SCFD1: variants seen among roughly 807,000 people sequenced by gnomAD.
The protein encoded by SCFD1 is sec1 family domain-containing protein 1.
SCFD1 carries 37 observed loss-of-function variants against 103.2 expected under a neutral mutation model. The observed-to-expected ratio is 0.36, with a 90% confidence interval of 0.28 to 0.47. The LOEUF (loss-of-function observed/expected upper bound fraction) is 0.47. Among genes scored for constraint, SCFD1 ranks in the 20% least tolerant of loss-of-function variants. The pLI is 1.00. For synonymous variants in SCFD1, 264 were observed against 245.0 expected (o/e 1.08, Z -0.73); for missense variants, 639 against 761.2 (o/e 0.84, Z 1.89).
At chr14:30,730,332 T>C (rs926669257) in intron 23 of SCFD1, among the ~76,000 whole-genome samples, 1 of 152,236 alleles carries the variant, frequency 6.6e-6, no homozygotes, top group African/African-American at 2.4e-5. Flanking sequence ...TGTGCATGTG[T>C]CTTTATAGCA....
chr14:30,702,484 G>A (rs1891149622), intron 17 of SCFD1, 109 bp downstream of exon 17: 4 of 600,112 alleles, frequency 6.7e-6, no homozygotes, highest in Middle Eastern at 3.1e-4. Flanking sequence ...TGCCTTGGTG[G>A]TTTTATATAT....
intron 11 of SCFD1, among the ~76,000 whole-genome samples, chr14:30,670,894 A>G (rs1230748013): frequency 1.3e-5 from 2 of 152,108 alleles, no homozygotes; most frequent in African/African-American, 2.4e-5. Flanking sequence ...CTGTGGGCAG[A>G]TATACATATC....
intron 14 of SCFD1, among the ~76,000 whole-genome samples, chr14:30,681,088 A>G (rs1889430954): frequency 6.6e-6 from 1 of 152,022 alleles, no homozygotes. Flanking sequence ...TTAGCTGAAC[A>G]TGGTGGCGCA....
intron 1 of SCFD1, among the ~76,000 whole-genome samples, chr14:30,626,106 T>C (rs1186943838): frequency 6.6e-6 from 1 of 152,048 alleles, no homozygotes; most frequent in Non-Finnish European, 1.5e-5. Context: ...ACCCCCTCCG[T>C]GCTTCCTGTG....
intron 1 of SCFD1, among the ~76,000 whole-genome samples, chr14:30,626,342 C>T (rs1883447148): frequency 6.6e-6 from 1 of 151,904 alleles, no homozygotes; most frequent in Non-Finnish European, 1.5e-5. Context: ...ATAACTTAAG[C>T]GTGCCCTGAG....
chr14:30,660,491 A>T (rs900960553), intron 10 of SCFD1, among the ~76,000 whole-genome samples: 1 of 152,200 alleles, frequency 6.6e-6, no homozygotes, highest in African/African-American at 2.4e-5. Flanking sequence ...AGGGTTCTCC[A>T]TAAATCTTTT....
chr14:30,670,345 G>A lies in SCFD1; in HGVS notation c.945G>A (p.Lys315=), dbSNP rs780466192. The change falls in exon 11 of 25, where the codon AAG becomes AAA. Residue 315 remains lysine, a synonymous_variant. Transcript: ENST00000458591. ...CTAGACCAAAGAGAAAAAACAAGAA[G>A]TCTTATGATTTAACTCCGGTTGATA... The part of the protein sequence containing the change: ...AGARPKRKNK[K]SYDLTPVDKF... The A allele has an allele frequency of 1.6e-5, 25 of 1,591,730 alleles. No homozygotes were observed. Among genetic ancestry groups the A allele is most frequent in the Middle Eastern group, 1.7e-4 (1 of 5,772 alleles).
rs2273521 is a variant in SCFD1, at chr14:30,639,771, T to G, written c.436-6T>G. 1.3e-6 allele frequency: 2 copies of G among 1,567,298 alleles called. No homozygotes were observed. The highest frequency in any genetic ancestry group is 1.2e-5 in the South Asian group (1 of 85,874). On this transcript the variant is annotated splice_region_variant and splice_polypyrimidine_tract_variant and intron_variant, in intron 5 of 24. Coordinates refer to ENST00000458591, the MANE Select transcript of SCFD1 (RefSeq NM_016106.4). Reference sequence around the variant, plus strand: ...TTGATTTGTAAACCTTTTCTTTTGTTTCTAGGTTTTTGACCAATATCTCAA... The same window carrying G: ...TTGATTTGTAAACCTTTTCTTTTGTGTCTAGGTTTTTGACCAATATCTCAA...
chr14:30,659,370 A>G (rs1003546933), intron 10 of SCFD1, among the ~76,000 whole-genome samples: 33 of 152,154 alleles, frequency 2.2e-4, no homozygotes, highest in Non-Finnish European at 3.7e-4. Context: ...AGTCTTATAT[A>G]TTTTACATTT....
At chr14:30,719,972 G>A (rs1024313809) in intron 21 of SCFD1, among the ~76,000 whole-genome samples, 1 of 133,576 alleles carries the variant, frequency 7.5e-6, no homozygotes, top group Non-Finnish European at 1.6e-5. Context: ...AGGGGGGTGG[G>A]GGGCGGGAAT....
intron 14 of SCFD1, among the ~76,000 whole-genome samples, chr14:30,693,836 GATT>G (rs1343924462): frequency 1.3e-5 from 2 of 152,054 alleles, no homozygotes; most frequent in Non-Finnish European, 1.5e-5. Context: ...ACTCCCACTT[GATT>G]ATTAACACCC....
chr14:30,695,502 G>GGA (rs1566638291), intron 15 of SCFD1, among the ~76,000 whole-genome samples: 1 of 152,094 alleles, frequency 6.6e-6, no homozygotes, highest in Non-Finnish European at 1.5e-5. Flanking sequence ...GCCAGGAAAG[G>GGA]GAGAGAGGTG....
intron 13 of SCFD1, among the ~76,000 whole-genome samples, chr14:30,674,563 G>A (rs868189860): frequency 7.2e-5 from 11 of 152,092 alleles, no homozygotes; most frequent in Admixed American, 3.3e-4. Context: ...CAGGAGAATC[G>A]CTTGAACCTG....
At chr14:30,670,178 A>C (rs1349267198) in intron 10 of SCFD1, 78 bp from the exon 11 acceptor site, 1 of 1,163,914 alleles carries the variant, frequency 8.6e-7, no homozygotes, top group African/African-American at 1.6e-5. Flanking sequence ...GTCCTTGGAA[A>C]CATTAGAAAG....
At position 30,630,480 on chromosome 14, in the gene SCFD1, C is replaced by T. The variant is rs1378716019; in HGVS notation, c.136C>T (p.Leu46Phe). ...NSTGEPVWKV[L>F]IYDRFGQDII... Reference sequence around the variant, plus strand: ...GACACATGGTTTTTTTTAATAGGTACTCATTTATGACAGATTTGGCCAAGA... The same window carrying T: ...GACACATGGTTTTTTTTAATAGGTATTCATTTATGACAGATTTGGCCAAGA... Residue 46 changes from leucine (L) to phenylalanine (F), a missense_variant, in exon 3 of 25, where the codon CTC becomes TTC. Leu to Phe is a conservative substitution (Grantham distance 22). Coordinates refer to ENST00000458591, the MANE Select transcript of SCFD1 (RefSeq NM_016106.4). 1.8e-5 allele frequency: 28 copies of T among 1,566,686 alleles called. No individual in the cohort carries two copies. Among genetic ancestry groups the T allele is most frequent in the South Asian group, 2.2e-5 (2 of 89,960 alleles).
Position 30,706,002 on chromosome 14 carries a change from G to T in SCFD1, c.1553+117G>T. Reference sequence around the variant, plus strand: ...TGCGGAAAATGTCACCATGCCTTTGGTGACATTTAGATGGCTGAAGTTCTC... The same window carrying T: ...TGCGGAAAATGTCACCATGCCTTTGTTGACATTTAGATGGCTGAAGTTCTC... On this transcript the variant is annotated intron_variant, in intron 18 of 24. Coordinates refer to ENST00000458591, the MANE Select transcript of SCFD1 (RefSeq NM_016106.4). 4 of 734,972 alleles carry T rather than the reference G, an allele frequency of 5.4e-6. No homozygotes were observed. In the South Asian group the frequency reaches 5.6e-5, roughly 10 times the overall value. 45.5% of individuals were successfully genotyped at this position (734,972 alleles called of 1,614,324 possible).
chr14:30,671,771 A>G (rs915398003), intron 11 of SCFD1, among the ~76,000 whole-genome samples: 1 of 152,080 alleles, frequency 6.6e-6, no homozygotes, highest in African/African-American at 2.4e-5. Flanking sequence ...CCTATTTCAG[A>G]AGGTTGTTGA....
intron 14 of SCFD1, among the ~76,000 whole-genome samples, chr14:30,693,419 T>C (rs1890459645): frequency 6.6e-6 from 1 of 152,188 alleles, no homozygotes; most frequent in African/African-American, 2.4e-5. Flanking sequence ...TTTTGAACTA[T>C]CTGGATATTT....
chr14:30,623,717 T>A lies in SCFD1; in HGVS notation c.61+1318T>A, dbSNP rs550407160. ...AATTTTGTAGATCATTAAAATCTAA[T>A]CGTTTGTATTTCTGCAGAAATAAAC... On this transcript the variant is annotated intron_variant, in intron 1 of 24. Coordinates refer to ENST00000458591, the MANE Select transcript of SCFD1 (RefSeq NM_016106.4). Among the ~76,000 whole-genome samples, 46 of 152,340 alleles carry A rather than the reference T, an allele frequency of 3.0e-4. 1 individual carries two copies. Among genetic ancestry groups the A allele is most frequent in the African/African-American group, 1.1e-3 (46 of 41,586 alleles).
Sources: gnomAD v4.1 joint callset for allele counts (sites outside exome capture counted in the v4.1 genomes callset) on GRCh38, gnomAD v4.1.1 for gene constraint, MANE v1.5 for transcripts, NCBI Gene and HGNC (gene_info 2026-07-23, HGNC 2026-07-21) for gene names.